Variants in OSBPL3 observed in about 807,000 individuals in gnomAD.
OSBPL3 encodes oxysterol binding protein like 3.
In OSBPL3, 65 loss-of-function variants were observed where a neutral mutation model predicts 120.1. The observed-to-expected ratio is 0.54, with a 90% confidence interval of 0.44 to 0.67. The LOEUF is 0.67. OSBPL3 is among the 30% of genes least tolerant of loss of function. The probability of loss-of-function intolerance (pLI) is 0.00; values close to 1 mark genes in which losing one functional copy is unlikely to be tolerated. For synonymous variants in OSBPL3, 416 were observed against 402.6 expected (o/e 1.03, Z -0.40); for missense variants, 1,004 against 1,082.1 (o/e 0.93, Z 1.01).
rs1475997270 is a variant in OSBPL3, at chr7:24,881,029, A to G, written c.97-8960T>C. On this transcript the variant is annotated intron_variant, in intron 2 of 22. Coordinates refer to ENST00000313367, the MANE Select transcript of OSBPL3 (RefSeq NM_015550.4). The surrounding 1 kb of genome is among the most constrained non-coding windows in gnomAD (Gnocchi z 4.3). ...CTTGTATGCCAACTACAGGGCATTC[A>G]TGACTCTTCAAGGAGACCCACTGCT... is the stretch of plus-strand genomic sequence containing the variant. 6.6e-6 allele frequency among the ~76,000 whole-genome samples: 1 copy of G among 152,238 alleles called. No homozygotes were observed. The highest frequency in any genetic ancestry group is 1.5e-5 in the Non-Finnish European group (1 of 68,046).
intron 1 of OSBPL3, among the ~76,000 whole-genome samples, chr7:24,935,905 T>C (rs1006385901): frequency 1.3e-4 from 20 of 152,310 alleles, no homozygotes; most frequent in African/African-American, 4.8e-4. Flanking sequence ...TATTATACTT[T>C]AAGTTTTAGG....
intron 2 of OSBPL3, among the ~76,000 whole-genome samples, chr7:24,876,653 A>G (rs1562870432): frequency 6.6e-6 from 1 of 152,242 alleles, no homozygotes; most frequent in Non-Finnish European, 1.5e-5. Context: ...ACAAAGAGAT[A>G]TTAAGCTGTA....
chr7:24,934,363 G>C (rs1306522516), intron 1 of OSBPL3, among the ~76,000 whole-genome samples: 1 of 152,046 alleles, frequency 6.6e-6, no homozygotes, highest in Non-Finnish European at 1.5e-5. Flanking sequence ...TAATAGCCGG[G>C]AATAGAACAT....
At position 24,896,839 on chromosome 7, in the gene OSBPL3, A is replaced by G. The variant is rs553929467; in HGVS notation, c.-149-4218T>C. On this transcript the variant is annotated intron_variant, in intron 1 of 22. Transcript: ENST00000313367. This position sits in a 1 kb window ranked among gnomAD's most constrained non-coding sequence, Gnocchi z 4.4. Reference sequence around the variant, plus strand: ...ATAATCCCAGCAATTTAGGAGGTGGACGCGACTGGATTACTTGAGGTCAGG... The same window carrying G: ...ATAATCCCAGCAATTTAGGAGGTGGGCGCGACTGGATTACTTGAGGTCAGG... Among the ~76,000 whole-genome samples, 6 of 152,306 alleles carry G rather than the reference A, an allele frequency of 3.9e-5. No homozygotes were observed. Among genetic ancestry groups the G allele is most frequent in the African/African-American group, 1.4e-4 (6 of 41,568 alleles).
Position 24,883,833 on chromosome 7 carries a change from T to C in OSBPL3, c.96+8544A>G, listed in dbSNP as rs924042532. Among the ~76,000 whole-genome samples the C allele has an allele frequency of 1.3e-5, 2 of 152,228 alleles. No individual in the cohort carries two copies. Among genetic ancestry groups the C allele is most frequent in the Admixed American group, 6.5e-5 (1 of 15,290 alleles). ...TCATTTGAGCTGATACTTTAACCTCTTCTGATATCAAATGTTTGTTTGTGT... is the reference window on the plus strand; with the variant it reads ...TCATTTGAGCTGATACTTTAACCTCCTCTGATATCAAATGTTTGTTTGTGT... On this transcript the variant is annotated intron_variant, in intron 2 of 22. Coordinates refer to ENST00000313367, the MANE Select transcript of OSBPL3 (RefSeq NM_015550.4). This position sits in a 1 kb window ranked among gnomAD's most constrained non-coding sequence, Gnocchi z 5.4.
At chr7:24,885,944 G>T (rs180723089) in intron 2 of OSBPL3, among the ~76,000 whole-genome samples, 2 of 152,228 alleles carry the variant, frequency 1.3e-5, no homozygotes, top group East Asian at 3.9e-4. Flanking sequence ...GAAATGTAAG[G>T]GGGCAGTGGG....
rs758120806 is a variant in OSBPL3, at chr7:24,877,952, A to C, written c.97-5883T>G. The stretch of plus-strand genomic sequence containing the variant: ...CCATGAATACCAGGTGGAGAGAGAA[A>C]CATGGGAGGGGTTGGGGGATGTGGC... On this transcript the variant is annotated intron_variant, in intron 2 of 22. Transcript: ENST00000313367. This position sits in a 1 kb window ranked among gnomAD's most constrained non-coding sequence, Gnocchi z 4.8. Among the ~76,000 whole-genome samples, 1 of 152,164 alleles carries C rather than the reference A, an allele frequency of 6.6e-6. No homozygotes were observed. Among genetic ancestry groups the C allele is most frequent in the Non-Finnish European group, 1.5e-5 (1 of 68,028 alleles).
chr7:24,860,400 A>C (rs10224842), intron 10 of OSBPL3, among the ~76,000 whole-genome samples: 1,713 of 152,300 alleles, frequency 0.011, 39 homozygotes, highest in African/African-American at 0.039. Context: ...AGTGAAGGAT[A>C]ATTGAATCAC....
intron 1 of OSBPL3, among the ~76,000 whole-genome samples, chr7:24,908,974 C>T (rs1366414708): frequency 3.3e-5 from 5 of 152,224 alleles, no homozygotes; most frequent in African/African-American, 7.2e-5. Flanking sequence ...AGTTACTTTG[C>T]GTGTCCTTTT....
chr7:24,834,341 G>C lies in OSBPL3; in HGVS notation c.1746+145C>G. 6.7e-7 allele frequency: 1 copy of C among 1,486,820 alleles called. No individual in the cohort carries two copies. The highest frequency in any genetic ancestry group is 1.4e-5 in the South Asian group (1 of 70,108). The allele number at this position is 1,486,820 out of a possible 1,614,324, so 92.1% of individuals were successfully genotyped here. On this transcript the variant is annotated intron_variant, in intron 15 of 22. Transcript: ENST00000313367. The surrounding 1 kb of genome is among the most constrained non-coding windows in gnomAD (Gnocchi z 5.2). The stretch of plus-strand genomic sequence containing the variant: ...GGAAACAGCCAGGCGGAGGAAGCCA[G>C]ACAGCTCTGAGTAATGAACCTGTTT...
intron 1 of OSBPL3, among the ~76,000 whole-genome samples, chr7:24,934,240 G>C (rs1812120661): frequency 6.6e-6 from 1 of 152,146 alleles, no homozygotes; most frequent in African/African-American, 2.4e-5. Context: ...ACAAGTGTAA[G>C]CCTGCTTTGC....
Position 24,910,080 on chromosome 7 carries a change from AC to A in OSBPL3, c.-149-17460del, listed in dbSNP as rs1012630419. ...CTCGGCCTCCCAAAGTGCTGAGATT[AC>A]AGGTGTGAGCCACCGTGGCTGGCCG... is the stretch of plus-strand genomic sequence containing the variant. On this transcript the variant is annotated intron_variant, in intron 1 of 22. Transcript: ENST00000313367. Among the ~76,000 whole-genome samples, 45 of 152,238 alleles carry A rather than the reference AC, an allele frequency of 3.0e-4. 1 individual carries two copies. Among genetic ancestry groups the A allele is most frequent in the Admixed American group, 2.7e-3 (42 of 15,294 alleles).
chr7:24,843,761 T>C (rs1423034104), intron 12 of OSBPL3, among the ~76,000 whole-genome samples: 3 of 152,298 alleles, frequency 2.0e-5, no homozygotes, highest in African/African-American at 4.8e-5. Flanking sequence ...GAGATCACTT[T>C]AGAATCTATA....
rs1811922934 is a variant in OSBPL3, at chr7:24,932,606, C to T, written c.-149-39985G>A. 6.6e-6 allele frequency among the ~76,000 whole-genome samples: 1 copy of T among 152,132 alleles called. No individual in the cohort carries two copies. The highest frequency in any genetic ancestry group is 2.1e-4 in the South Asian group (1 of 4,830). Reference sequence around the variant, plus strand: ...CACAGAGCTGCCTTGTCCCTTCCACCCTGTGAGCACACAGCAAAAAGGCAC... The same window carrying T: ...CACAGAGCTGCCTTGTCCCTTCCACTCTGTGAGCACACAGCAAAAAGGCAC... On this transcript the variant is annotated intron_variant, in intron 1 of 22. Coordinates refer to ENST00000313367, the MANE Select transcript of OSBPL3 (RefSeq NM_015550.4). This position sits in a 1 kb window ranked among gnomAD's most constrained non-coding sequence, Gnocchi z 5.6.
chr7:24,804,556 A>AC lies in OSBPL3; in HGVS notation c.2445-120dup, dbSNP rs1366001696. 1.5e-5 allele frequency: 13 copies of AC among 851,748 alleles called. No individual in the cohort carries two copies. The highest frequency in any genetic ancestry group is 2.2e-5 in the Non-Finnish European group (12 of 554,374). The allele number at this position is 851,748 out of a possible 1,614,324, so 52.8% of individuals were successfully genotyped here. Reference sequence around the variant, plus strand: ...TTCAAAATCCTCTCCTATACGTAAGACCCCGCCCCAACCGTTTAATCCGTA... The same window carrying AC: ...TTCAAAATCCTCTCCTATACGTAAGACCCCCGCCCCAACCGTTTAATCCGTA... On this transcript the variant is annotated intron_variant, in intron 21 of 22. Coordinates refer to ENST00000313367, the MANE Select transcript of OSBPL3 (RefSeq NM_015550.4). The surrounding 1 kb of genome is among the most constrained non-coding windows in gnomAD (Gnocchi z 5.4).
chr7:24,870,970 G>C, intron 4 of OSBPL3, 125 bp from the exon 5 acceptor site: 1 of 688,184 alleles, frequency 1.5e-6, no homozygotes, highest in Non-Finnish European at 2.7e-6. Context: ...CAAGCACTTA[G>C]CGTGAGCCAG....
At chr7:24,868,494 G>C (rs757130486) in intron 5 of OSBPL3, among the ~76,000 whole-genome samples, 1 of 151,828 alleles carries the variant, frequency 6.6e-6, no homozygotes, top group Non-Finnish European at 1.5e-5. Context: ...AGGATGCACA[G>C]TAGGTTAACT....
rs565028765 is a variant in OSBPL3, at chr7:24,902,910, C to T, written c.-149-10289G>A. Among the ~76,000 whole-genome samples the T allele has an allele frequency of 1.4e-4, 21 of 152,222 alleles. No individual in the cohort carries two copies. In the South Asian group the frequency reaches 4.3e-3, roughly 32 times the overall value. On this transcript the variant is annotated intron_variant, in intron 1 of 22. Transcript: ENST00000313367. The stretch of plus-strand genomic sequence containing the variant: ...GAGATGAGTATTTCTCTGTGCTTGG[C>T]TTCCCTCTATTGTCACTGTGCTCCA...
At chr7:24,809,521 G>T (rs1793498027) in intron 20 of OSBPL3, among the ~76,000 whole-genome samples, 1 of 152,152 alleles carries the variant, frequency 6.6e-6, no homozygotes. Context: ...GTAGAGTTAT[G>T]CATGTGGACT....
Sources: gnomAD v4.1 joint callset for allele counts (sites outside exome capture counted in the v4.1 genomes callset) on GRCh38, gnomAD v4.1.1 for gene constraint, Gnocchi (gnomAD v3.1) non-coding constraint, MANE v1.5 for transcripts, NCBI Gene and HGNC (gene_info 2026-07-23, HGNC 2026-07-21) for gene names.